The following INSR variants were observed in gnomAD, a reference collection of about 807,000 sequenced individuals.
INSR encodes the protein insulin receptor.
Under a neutral mutation model 142.6 loss-of-function variants are expected in INSR, and 67 were observed. The ratio of observed to expected loss-of-function variants is 0.47; its 90% CI spans 0.39 to 0.58. The LOEUF (loss-of-function observed/expected upper bound fraction) is 0.58. Ranked by LOEUF, INSR falls within the 20% of genes least tolerant of loss-of-function variation. The pLI, the probability that INSR is intolerant of heterozygous loss-of-function variation, is 0.00. For synonymous variants in INSR, 756 were observed against 743.1 expected, an observed-to-expected ratio of 1.02 and a Z score of -0.28; for missense variants, 1,248 against 1,833.2, an observed-to-expected ratio of 0.68 and a Z score of 5.83.
At position 7,119,526 on chromosome 19, in the gene INSR, G is replaced by C; in HGVS notation, c.3717C>G (p.Gly1239=). ...ITSLAEQPYQ[G]LSNEQVLKFV... ...ATTTCAACACCTGTTCATTAGACAGGCCTTGGTAAGGCTGTTCTGCCAAGC... is the reference window on the plus strand; with the variant it reads ...ATTTCAACACCTGTTCATTAGACAGCCCTTGGTAAGGCTGTTCTGCCAAGC... Residue 1239 remains glycine (G), a synonymous_variant, in exon 21 of 22, where the codon GGC becomes GGG. Coordinates refer to ENST00000302850, the MANE Select transcript of INSR (RefSeq NM_000208.4). The surrounding 1 kb of genome is among the most constrained non-coding windows in gnomAD (Gnocchi z 5.2). 6.2e-7 allele frequency: 1 copy of C among 1,614,110 alleles called. No individual in the cohort carries two copies. The highest frequency in any genetic ancestry group is 8.5e-7 in the Non-Finnish European group (1 of 1,180,006).
chr19:7,293,946 G>C lies in INSR; in HGVS notation c.-55C>G, dbSNP rs1968570258. 1 of 1,158,302 alleles carries C rather than the reference G, an allele frequency of 8.6e-7. No individual in the cohort carries two copies. The highest frequency in any genetic ancestry group is 4.3e-5 in the South Asian group (1 of 23,284). 71.8% of individuals were successfully genotyped at this position (1,158,302 alleles called of 1,614,324 possible). On this transcript the variant is annotated 5_prime_UTR_variant, in exon 1 of 22. Coordinates refer to ENST00000302850, the MANE Select transcript of INSR (RefSeq NM_000208.4). ...CAGAGCGCGCGGCGCTGGCCCGCGG[G>C]GGTCATGCTCCGAGGCGGCCACCCA...
At position 7,184,640 on chromosome 19, in the gene INSR, GGA is replaced by G. The variant is rs3835070; in HGVS notation, c.653-5_653-4del. On this transcript the variant is annotated splice_region_variant and splice_polypyrimidine_tract_variant and intron_variant, in intron 2 of 21. Transcript: ENST00000302850. ...TGACTTACAGATGGTCGGGCAAACT[GGA>G]GAGAGAGAGAGAGAGAGAGGGAAAT... 170,770 of 1,315,650 alleles carry G rather than the reference GGA, an allele frequency of 0.13. 7,668 individuals are homozygous for G. Among genetic ancestry groups the G allele is most frequent in the Admixed American group, 0.18 (9,545 of 51,846 alleles). 81.5% of individuals were successfully genotyped at this position (1,315,650 alleles called of 1,614,324 possible). A position where few individuals can be genotyped will look rare whatever the true frequency, so the allele number is the denominator to read the frequency against.
intron 13 of INSR, among the ~76,000 whole-genome samples, chr19:7,132,670 C>T (rs1040789603): frequency 6.6e-6 from 1 of 151,472 alleles, no homozygotes; most frequent in African/African-American, 2.4e-5. Flanking sequence ...CGGCTCACTG[C>T]AACCTCTGCC....
At chr19:7,222,320 C>T (rs1055762622) in intron 2 of INSR, among the ~76,000 whole-genome samples, 3 of 151,798 alleles carry the variant, frequency 2.0e-5, no homozygotes, top group African/African-American at 7.3e-5. Context: ...TGACTCTGAA[C>T]CTGTTTCCTT....
chr19:7,158,283 G>T (rs1010549658), intron 9 of INSR, among the ~76,000 whole-genome samples: 1 of 151,922 alleles, frequency 6.6e-6, no homozygotes, highest in Admixed American at 6.6e-5. Flanking sequence ...GGCAGATCAC[G>T]AGGTCAGGAG....
chr19:7,211,301 G>A (rs916929248), intron 2 of INSR, among the ~76,000 whole-genome samples: 7 of 152,178 alleles, frequency 4.6e-5, no homozygotes, highest in African/African-American at 7.2e-5. Context: ...TCCTGGCCTC[G>A]AGAATTCCTC....
chr19:7,208,128 A>AC (rs1231332367), intron 2 of INSR, among the ~76,000 whole-genome samples: 14 of 152,134 alleles, frequency 9.2e-5, no homozygotes, highest in Non-Finnish European at 1.5e-4. Context: ...GTCAAAGACA[A>AC]CAACACCCTC....
Position 7,267,955 on chromosome 19 carries a change from A to G in INSR, c.101-59T>C, listed in dbSNP as rs114420789. On this transcript the variant is annotated intron_variant, in intron 1 of 21. Transcript: ENST00000302850. The surrounding 1 kb of genome is among the most constrained non-coding windows in gnomAD (Gnocchi z 6.3). Reference sequence around the variant, plus strand: ...TGAGCAGACGCACGGTGGATGCATCAGAAGGATCAGGGGCAGAGCCGGCTT... The same window carrying G: ...TGAGCAGACGCACGGTGGATGCATCGGAAGGATCAGGGGCAGAGCCGGCTT... 1,349 of 1,426,274 alleles carry G rather than the reference A, an allele frequency of 9.5e-4. 12 individuals are homozygous for G. The African/African-American group carries it at 0.018, about 19-fold the overall frequency. 88.4% of individuals were successfully genotyped at this position (1,426,274 alleles called of 1,614,324 possible).
At chr19:7,277,377 T>G (rs1423132093) in intron 1 of INSR, among the ~76,000 whole-genome samples, 2 of 149,576 alleles carry the variant, frequency 1.3e-5, no homozygotes, top group African/African-American at 4.9e-5. Flanking sequence ...CCAGACATTG[T>G]GCCAGGCCCA....
At chr19:7,198,095 G>A (rs2145035471) in intron 2 of INSR, among the ~76,000 whole-genome samples, 1 of 151,996 alleles carries the variant, frequency 6.6e-6, no homozygotes, top group African/African-American at 2.4e-5. Context: ...GGGCGAGGGA[G>A]GGAGCCCTAG....
At chr19:7,123,158 A>T in intron 17 of INSR, 169 bp from the exon 18 acceptor site, 2 of 613,702 alleles carry the variant, frequency 3.3e-6, no homozygotes, top group Admixed American at 2.8e-5. Context: ...GCAGACAGAT[A>T]GGCCTTTGTA....
rs536290711 is a variant in INSR at position 7,292,375 on chromosome 19, C to T, written c.100+1417G>A. 1.2e-3 allele frequency among the ~76,000 whole-genome samples: 177 copies of T among 152,020 alleles called. 1 individual carries two copies. The highest frequency in any genetic ancestry group is 3.8e-3 in the African/African-American group (159 of 41,488). On this transcript the variant is annotated intron_variant, in intron 1 of 21. Coordinates refer to ENST00000302850, the MANE Select transcript of INSR (RefSeq NM_000208.4). ...AAAATGCTGAGATTACAGGCTTGAG[C>T]CACCGCAGCTGGCCAGATTTTCTTA...
chr19:7,236,403 A>G (rs1187408523), intron 2 of INSR, among the ~76,000 whole-genome samples: 1 of 152,252 alleles, frequency 6.6e-6, no homozygotes, highest in Non-Finnish European at 1.5e-5. Context: ...TTTATGAATA[A>G]TAGCCAAAAG....
intron 2 of INSR, among the ~76,000 whole-genome samples, chr19:7,188,233 T>C (rs555478673): frequency 6.6e-6 from 1 of 152,250 alleles, no homozygotes; most frequent in Non-Finnish European, 1.5e-5. Flanking sequence ...ATTTTCCTTA[T>C]GGCATGGATC....
chr19:7,198,898 T>G (rs1048465280), intron 2 of INSR, among the ~76,000 whole-genome samples: 3 of 149,474 alleles, frequency 2.0e-5, no homozygotes, highest in African/African-American at 4.9e-5. Context: ...TACACTTTTT[T>G]TGGGGGGGGG....
At position 7,181,818 on chromosome 19, in the gene INSR, T is replaced by C. The variant is rs540312265; in HGVS notation, c.974+2498A>G. On this transcript the variant is annotated intron_variant, in intron 3 of 21. Transcript: ENST00000302850. ...CTGACCTTGAACTCCTGCCCTCAGA[T>C]GATCCGTCCACTTCGGCCTCCCAAA... Among the ~76,000 whole-genome samples, 275 of 151,366 alleles carry C rather than the reference T, an allele frequency of 1.8e-3. 2 individuals are homozygous for C. The highest frequency in any genetic ancestry group is 2.9e-3 in the Non-Finnish European group (195 of 67,872).
At position 7,184,238 on chromosome 19, in the gene INSR, T is replaced by A. The variant is rs1366739440; in HGVS notation, c.974+78A>T. The A allele has an allele frequency of 4.6e-6, 6 of 1,313,896 alleles. No homozygotes were observed. The African/African-American group carries it at 8.7e-5, about 19-fold the overall frequency. The allele number at this position is 1,313,896 out of a possible 1,614,324, so 81.4% of individuals were successfully genotyped here. On this transcript the variant is annotated intron_variant, in intron 3 of 21. Transcript: ENST00000302850. Reference sequence around the variant, plus strand: ...TTAACCCTGGGTTTGCACACAGTTTTAACAAGCGGCATCGTCACAACCAAC... The same window carrying A: ...TTAACCCTGGGTTTGCACACAGTTTAAACAAGCGGCATCGTCACAACCAAC...
rs1974623409 is a variant in INSR, at chr19:7,192,289, AAAG to A, written c.653-7655_653-7653del. Among the ~76,000 whole-genome samples the A allele has an allele frequency of 3.3e-5, 5 of 150,344 alleles. No individual in the cohort carries two copies. The highest frequency in any genetic ancestry group is 1.2e-4 in the African/African-American group (5 of 40,498). On this transcript the variant is annotated intron_variant, in intron 2 of 21. Coordinates refer to ENST00000302850, the MANE Select transcript of INSR (RefSeq NM_000208.4). This position sits in a 1 kb window ranked among gnomAD's most constrained non-coding sequence, Gnocchi z 4.2. ...AAAGAAAAGAAAAGAAAAGAAAAGA[AAAG>A]AAAAGAAAAGAAAAGAAAAAAATCA...
chr19:7,231,006 A>AAGCCTCC (rs1975956101), intron 2 of INSR, among the ~76,000 whole-genome samples: 1 of 152,144 alleles, frequency 6.6e-6, no homozygotes, highest in South Asian at 2.1e-4. Flanking sequence ...CGGCCTTTAG[A>AAGCCTCC]AGCCTCCAGC....
Sources: allele counts gnomAD v4.1 joint callset (sites outside exome capture counted in the v4.1 genomes callset), GRCh38; gene constraint gnomAD v4.1.1; non-coding constraint Gnocchi (gnomAD v3.1); transcripts MANE v1.5; gene names NCBI Gene and HGNC (gene_info 2026-07-23, HGNC 2026-07-21).